Variants in NBPF26 observed in about 807,000 individuals in gnomAD.
NBPF26 encodes NBPF family member NBPF26.
In NBPF26, 79 loss-of-function variants were observed where a neutral mutation model predicts 119.6. The ratio of observed to expected loss-of-function variants is 0.66; its 90% confidence interval spans 0.55 to 0.80. The LOEUF (loss-of-function observed/expected upper bound fraction) is 0.80. Ranked by LOEUF, NBPF26 falls within the 30% of genes least tolerant of loss-of-function variation. The pLI is 0.00. For synonymous variants in NBPF26, 299 were observed against 457.7 expected (o/e 0.65, Z 4.43); for missense variants, 800 against 1,198.2 (o/e 0.67, Z 4.91).
chr1:120,811,153 C>A lies in NBPF26; in HGVS notation c.1564+595C>A, dbSNP rs1441915174. On this transcript the variant is annotated intron_variant, in intron 9 of 29. Coordinates refer to ENST00000620612, the Ensembl canonical transcript of NBPF26. ...GTCCCAGCTACTCAGGAGGCTGAGG[C>A]AGGAGAATGGCATGAACCCAGGAAC... 5.7e-5 allele frequency among the ~76,000 whole-genome samples: 6 copies of A among 106,096 alleles called. 2 individuals carry two copies. Among genetic ancestry groups the A allele is most frequent in the African/African-American group, 3.5e-4 (6 of 17,368 alleles). The allele number at this position is 106,096 out of a possible 152,430, so 69.6% of individuals were successfully genotyped here. A position where few individuals can be genotyped will look rare whatever the true frequency, so the allele number is the denominator to read the frequency against.
chr1:120,730,528 G>C (rs1193285059), intron 1 of NBPF26, among the ~76,000 whole-genome samples: 1 of 99,094 alleles, frequency 1.0e-5, no homozygotes, highest in Non-Finnish European at 1.8e-5. Flanking sequence ...TCATAGGCTT[G>C]AGACGGGACA....
chr1:120,814,463 T>C (rs1651958055), intron 11 of NBPF26, among the ~76,000 whole-genome samples: 2 of 109,726 alleles, frequency 1.8e-5, no homozygotes, highest in African/African-American at 5.0e-5. Context: ...TTTCTGTACA[T>C]GGCTTTGTAT....
Position 120,724,580 on chromosome 1 carries a change from G to A in NBPF26, c.73+330G>A, listed in dbSNP as rs1397764712. 1.7e-5 allele frequency among the ~76,000 whole-genome samples: 2 copies of A among 116,886 alleles called. 1 individual carries two copies. Among genetic ancestry groups the A allele is most frequent in the African/African-American group, 9.2e-5 (2 of 21,798 alleles). 76.7% of individuals were successfully genotyped at this position (116,886 alleles called of 152,430 possible). On this transcript the variant is annotated intron_variant, in intron 1 of 29. Transcript: ENST00000620612. ...GGGAGGTGGGCAGTTTTGCCCTTCA[G>A]GTTCCGCGTTTCTTGGGGTCGAGCG...
In NBPF26 at chr1:120,822,772, T is replaced by C. The variant is rs1414406981; in HGVS notation, c.2587+505T>C. Among the ~76,000 whole-genome samples the C allele has an allele frequency of 1.0e-4, 11 of 109,392 alleles. 1 individual carries two copies. The highest frequency in any genetic ancestry group is 2.2e-4 in the East Asian group (1 of 4,620). 71.8% of individuals were successfully genotyped at this position (109,392 alleles called of 152,430 possible). A position where few individuals can be genotyped will look rare whatever the true frequency, so the allele number is the denominator to read the frequency against. On this transcript the variant is annotated intron_variant, in intron 16 of 29. Transcript: ENST00000620612. ...TTTCTGTGTCTTCTAAGTTCGCTTG[T>C]TTTAGCTCATCTGTCCGTCATGTTC...
intron 2 of NBPF26, among the ~76,000 whole-genome samples, chr1:120,777,277 T>C: frequency 4.6e-5 from 1 of 21,534 alleles, no homozygotes; most frequent in Middle Eastern, 0.013. Flanking sequence ...AACTTTTAAT[T>C]TGGAAGCATG....
rs1337516484 is a variant in NBPF26, at chr1:120,724,313, C to T, written c.73+63C>T. On this transcript the variant is annotated intron_variant, in intron 1 of 29. Transcript: ENST00000620612. ...GGGGCTGCCACCTGGGGCGACCCTT[C>T]TCCCCCTCAGTCCTTCTCTGTGTGG... 7 of 1,362,920 alleles carry T rather than the reference C, an allele frequency of 5.1e-6. 1 individual carries two copies. In the East Asian group the frequency reaches 1.3e-4, roughly 25 times the overall value. The allele number at this position is 1,362,920 out of a possible 1,614,324, so 84.4% of individuals were successfully genotyped here.
Position 120,806,441 on chromosome 1 carries a change from A to T in NBPF26, c.961+676A>T, listed in dbSNP as rs1457795400. Among the ~76,000 whole-genome samples the T allele has an allele frequency of 7.1e-5, 8 of 112,708 alleles. 3 individuals are homozygous for T. Among genetic ancestry groups the T allele is most frequent in the Non-Finnish European group, 1.4e-4 (8 of 56,800 alleles). 73.9% of individuals were successfully genotyped at this position (112,708 alleles called of 152,430 possible). A position where few individuals can be genotyped will look rare whatever the true frequency, so the allele number is the denominator to read the frequency against. ...AACCCCATCTCCACTAAAAATACAAAAAGTAGATGGGCATCGTGGCGGGCA... is the reference window on the plus strand; with the variant it reads ...AACCCCATCTCCACTAAAAATACAATAAGTAGATGGGCATCGTGGCGGGCA... On this transcript the variant is annotated intron_variant, in intron 5 of 29. Transcript: ENST00000620612.
chr1:120,830,052 G>T (rs1652316013), intron 19 of NBPF26, among the ~76,000 whole-genome samples: 1 of 121,816 alleles, frequency 8.2e-6, no homozygotes, highest in Non-Finnish European at 1.6e-5. Context: ...CAACTGCATG[G>T]AATCTTGAGC....
chr1:120,759,539 A>G (rs1182306182), intron 1 of NBPF26, among the ~76,000 whole-genome samples: 6 of 88,192 alleles, frequency 6.8e-5, no homozygotes, highest in Non-Finnish European at 1.2e-4. Context: ...AGTGTTTTAC[A>G]TTGGAAAAAA....
intron 9 of NBPF26, among the ~76,000 whole-genome samples, chr1:120,811,339 A>G (rs1262738115): frequency 2.7e-5 from 3 of 111,068 alleles, no homozygotes; most frequent in Non-Finnish European, 5.2e-5. Flanking sequence ...TGAGCTCAGG[A>G]GTTCAAAACC....
In NBPF26 at chr1:120,832,741, T is replaced by A; in HGVS notation, c.3263-134T>A. 2 of 543,652 alleles carry A rather than the reference T, an allele frequency of 3.7e-6. 1 individual carries two copies. The highest frequency in any genetic ancestry group is 6.2e-6 in the Non-Finnish European group (2 of 321,858). The allele number at this position is 543,652 out of a possible 1,614,324, so 33.7% of individuals were successfully genotyped here. ...TATCATGACCAGCCTTCAGGCCTCC[T>A]GAAATATATCTCTCACAGTGTCCTA... On this transcript the variant is annotated intron_variant, in intron 22 of 29. Transcript: ENST00000620612.
rs1196442790 is a variant in NBPF26, at chr1:120,784,492, T to C, written c.156-482T>C. ...TTTGCATTTGCTGTTCCCTTTCTCA[T>C]GAATGTGTTTCCCTAAGATACCTGC... On this transcript the variant is annotated intron_variant, in intron 2 of 29. Coordinates refer to ENST00000620612, the Ensembl canonical transcript of NBPF26. 2.4e-4 allele frequency among the ~76,000 whole-genome samples: 28 copies of C among 117,194 alleles called. 6 individuals carry two copies. Among genetic ancestry groups the C allele is most frequent in the Admixed American group, 2.3e-3 (28 of 12,296 alleles). The allele number at this position is 117,194 out of a possible 152,430, so 76.9% of individuals were successfully genotyped here. A position where few individuals can be genotyped will look rare whatever the true frequency, so the allele number is the denominator to read the frequency against.
chr1:120,789,572 G>A, intron 3 of NBPF26, among the ~76,000 whole-genome samples: 1 of 98,184 alleles, frequency 1.0e-5, no homozygotes, highest in Middle Eastern at 4.4e-3. Context: ...GGAAAGACTG[G>A]CCCCCATGAT....
chr1:120,823,850 C>T lies in NBPF26; in HGVS notation c.2640-124C>T, dbSNP rs1329366067. 1.1e-5 allele frequency: 6 copies of T among 525,630 alleles called. 1 individual carries two copies. The highest frequency in any genetic ancestry group is 2.0e-5 in the Non-Finnish European group (6 of 294,736). 32.6% of individuals were successfully genotyped at this position (525,630 alleles called of 1,614,324 possible). ...CCAACATAAAGGCAATAATCTGTTACCTCATTAATGGATCTGTCCTTTTTC... is the reference window on the plus strand; with the variant it reads ...CCAACATAAAGGCAATAATCTGTTATCTCATTAATGGATCTGTCCTTTTTC... On this transcript the variant is annotated intron_variant, in intron 17 of 29. Transcript: ENST00000620612.
rs1170545391 is a variant in NBPF26 at position 120,756,454 on chromosome 1, G to A, written c.74-7174G>A. On this transcript the variant is annotated intron_variant, in intron 1 of 29. Transcript: ENST00000620612. ...CAGTCAAGACGTTAAAATACCTTCC[G>A]ATTGAGCAGTGGGTCTAAGCACAGA... Among the ~76,000 whole-genome samples, 64 of 117,710 alleles carry A rather than the reference G, an allele frequency of 5.4e-4. 20 individuals carry two copies. The highest frequency in any genetic ancestry group is 2.7e-3 in the African/African-American group (54 of 20,292). 77.2% of individuals were successfully genotyped at this position (117,710 alleles called of 152,430 possible). A position where few individuals can be genotyped will look rare whatever the true frequency, so the allele number is the denominator to read the frequency against.
chr1:120,819,300 C>A (rs1169726283), intron 15 of NBPF26, among the ~76,000 whole-genome samples: 1 of 116,020 alleles, frequency 8.6e-6, no homozygotes, highest in South Asian at 2.5e-4. Flanking sequence ...AGGATTGCAA[C>A]CCCTGCCTTT....
exon 18 of NBPF26, chr1:120,824,026 C>T: frequency 3.0e-6 from 2 of 663,444 alleles, no homozygotes; most frequent in Non-Finnish European, 5.0e-6. Flanking sequence ...GCAGGACTCA[C>T]TGGATAGATG....
At chr1:120,758,558 C>T (rs1651100459) in intron 1 of NBPF26, among the ~76,000 whole-genome samples, 1 of 103,226 alleles carries the variant, frequency 9.7e-6, no homozygotes, top group Non-Finnish European at 1.8e-5. Flanking sequence ...AAAGAAAAAC[C>T]TTTTTACTCA....
At chr1:120,805,743 G>C in exon 5 of NBPF26, 1 of 1,438,072 alleles carries the variant, frequency 7.0e-7, no homozygotes, top group Non-Finnish European at 9.4e-7. Flanking sequence ...CCGGCTTCCT[G>C]GCCAACCGAC....
Sources: allele counts gnomAD v4.1 joint callset (sites outside exome capture counted in the v4.1 genomes callset), GRCh38; gene constraint gnomAD v4.1.1; transcripts MANE v1.5; gene names NCBI Gene and HGNC (gene_info 2026-07-23, HGNC 2026-07-21).